ARIH1: variants seen among roughly 807,000 people sequenced by gnomAD.
The protein encoded by ARIH1 is ariadne RBR E3 ubiquitin protein ligase 1, also known as E3 ubiquitin-protein ligase ARIH1.
ARIH1 carries 8 observed loss-of-function variants against 85.0 expected under a neutral mutation model. The observed-to-expected ratio is 0.09, with a 90% CI of 0.06 to 0.17. The LOEUF (loss-of-function observed/expected upper bound fraction) is 0.17, where lower values mean the gene tolerates loss of function less well. Ranked by LOEUF, ARIH1 falls within the 10% of genes least tolerant of loss-of-function variation. The probability of loss-of-function intolerance (pLI) is 1.00; values close to 1 mark genes in which losing one functional copy is unlikely to be tolerated. For missense variants in ARIH1, 311 were observed against 718.1 expected (o/e 0.43, Z 6.48); for synonymous variants, 238 against 253.6 (o/e 0.94, Z 0.59).
intron 11 of ARIH1, among the ~76,000 whole-genome samples, chr15:72,578,554 A>G (rs956104607): frequency 6.6e-6 from 1 of 152,172 alleles, no homozygotes; most frequent in Non-Finnish European, 1.5e-5. Context: ...AAGATAGGCT[A>G]CATATGTCTT....
Position 72,582,961 on chromosome 15 carries a change from G to C in ARIH1, c.1590-247G>C, listed in dbSNP as rs990701587. ...TGATTTCTAAGGTCCATCAGAACTTGTAACACTTTATTGCTTTAAAATTAA... is the reference window on the plus strand; with the variant it reads ...TGATTTCTAAGGTCCATCAGAACTTCTAACACTTTATTGCTTTAAAATTAA... On this transcript the variant is annotated intron_variant, in intron 13 of 13. Coordinates refer to ENST00000379887, the MANE Select transcript of ARIH1 (RefSeq NM_005744.5). This position sits in a 1 kb window ranked among gnomAD's most constrained non-coding sequence, Gnocchi z 4.6. 6.6e-6 allele frequency among the ~76,000 whole-genome samples: 1 copy of C among 152,160 alleles called. No homozygotes were observed. Among genetic ancestry groups the C allele is most frequent in the Non-Finnish European group, 1.5e-5 (1 of 68,020 alleles).
chr15:72,498,961 ATTTTTTTTTTTTTTTTTTTTTTT>A (rs535261674), intron 1 of ARIH1, among the ~76,000 whole-genome samples: 2 of 88,450 alleles, frequency 2.3e-5, no homozygotes, highest in Admixed American at 2.6e-4. Context: ...CTTTTCATAA[ATTTTTTTTTTTTTTTTTTTTTTT>A]TTTTTTTTTT....
chr15:72,507,488 C>T (rs1247047892), intron 1 of ARIH1, among the ~76,000 whole-genome samples: 1 of 152,098 alleles, frequency 6.6e-6, no homozygotes, highest in African/African-American at 2.4e-5. Flanking sequence ...TCCTCTTCCT[C>T]ACTCCCCCCA....
intron 7 of ARIH1, chr15:72,566,281 G>A: frequency 2.6e-6 from 1 of 389,828 alleles, no homozygotes; most frequent in Middle Eastern, 6.9e-4. Context: ...TCTCAATATA[G>A]TCTGAGGCAC....
intron 1 of ARIH1, among the ~76,000 whole-genome samples, chr15:72,481,350 G>GTGT (rs1370250698): frequency 1.3e-5 from 2 of 152,194 alleles, no homozygotes; most frequent in Admixed American, 6.5e-5. Context: ...GTTTCTCTAT[G>GTGT]TGTTACGTGT....
At chr15:72,566,992 G>A in intron 8 of ARIH1, 114 bp from the exon 9 acceptor site, 1 of 722,422 alleles carries the variant, frequency 1.4e-6, no homozygotes, top group East Asian at 2.7e-5. Flanking sequence ...TGAGCCTAGT[G>A]ATAATCTTAT....
intron 5 of ARIH1, among the ~76,000 whole-genome samples, chr15:72,559,131 A>T (rs890396337): frequency 6.6e-6 from 1 of 152,176 alleles, no homozygotes; most frequent in African/African-American, 2.4e-5. Flanking sequence ...TGTATACAAA[A>T]ATTTGACCGT....
At chr15:72,554,160 A>G (rs1477298864) in intron 3 of ARIH1, among the ~76,000 whole-genome samples, 3 of 152,132 alleles carry the variant, frequency 2.0e-5, no homozygotes, top group Non-Finnish European at 4.4e-5. Context: ...GCTGTTACGA[A>G]TAATGCTATA....
rs2064299364 is a variant in ARIH1 at position 72,582,614 on chromosome 15, G to A, written c.1589+427G>A. On this transcript the variant is annotated intron_variant, in intron 13 of 13. Transcript: ENST00000379887. This position sits in a 1 kb window ranked among gnomAD's most constrained non-coding sequence, Gnocchi z 4.6. ...ATATATATATATTTTTTTAATCTAA[G>A]GAGATACTTGTCCTAGGAGTCGATT... Among the ~76,000 whole-genome samples the A allele has an allele frequency of 6.6e-6, 1 of 151,520 alleles. No homozygotes were observed. The highest frequency in any genetic ancestry group is 2.4e-5 in the African/African-American group (1 of 41,240).
rs2064122221 is a variant in ARIH1 at position 72,544,832 on chromosome 15, A to G, written c.456A>G (p.Gly152=). 1 of 1,612,292 alleles carries G rather than the reference A, an allele frequency of 6.2e-7. No homozygotes were observed. Among genetic ancestry groups the G allele is most frequent in the Non-Finnish European group, 8.5e-7 (1 of 1,178,922 alleles). The part of the protein sequence containing the change: ...KEKLMERYFD[G]NLEKLFAECH... ...TTAAATAATGCAGGTACTTTGATGG[A>G]AACCTGGAGAAGCTCTTTGCTGAGT... Residue 152 remains glycine, a synonymous_variant, in exon 3 of 14, where the codon GGA becomes GGG. Transcript: ENST00000379887.
chr15:72,583,408 G>A lies in ARIH1; in HGVS notation c.*116G>A, dbSNP rs1230221725. ...AAGCCTATTCTGACACCACTGGTCT[G>A]TAGTACCAGAATTGTTTTGTTAATG... On this transcript the variant is annotated 3_prime_UTR_variant, in exon 14 of 14. Transcript: ENST00000379887. 1 of 689,394 alleles carries A rather than the reference G, an allele frequency of 1.5e-6. No individual in the cohort carries two copies. The highest frequency in any genetic ancestry group is 2.5e-6 in the Non-Finnish European group (1 of 407,958). 42.7% of individuals were successfully genotyped at this position (689,394 alleles called of 1,614,324 possible). A position where few individuals can be genotyped will look rare whatever the true frequency, so the allele number is the denominator to read the frequency against.
At chr15:72,543,552 A>C (rs2064116861) in intron 2 of ARIH1, among the ~76,000 whole-genome samples, 1 of 152,188 alleles carries the variant, frequency 6.6e-6, no homozygotes, top group Non-Finnish European at 1.5e-5. Flanking sequence ...AGTATTTATA[A>C]AAAAGATATT....
At chr15:72,576,517 A>C (rs1188161732) in intron 11 of ARIH1, among the ~76,000 whole-genome samples, 3 of 151,616 alleles carry the variant, frequency 2.0e-5, no homozygotes, top group African/African-American at 4.8e-5. Context: ...AAAAAAAAAA[A>C]AAAAAAAAAA....
At chr15:72,518,259 T>G in intron 2 of ARIH1, 125 bp downstream of exon 2, 1 of 676,572 alleles carries the variant, frequency 1.5e-6, no homozygotes, top group Non-Finnish European at 2.4e-6. Context: ...AGTGTGCAAC[T>G]AGTGACTGCT....
intron 1 of ARIH1, among the ~76,000 whole-genome samples, chr15:72,499,849 G>A (rs887332459): frequency 6.6e-6 from 1 of 152,088 alleles, no homozygotes; most frequent in African/African-American, 2.4e-5. Flanking sequence ...TTAGATACAT[G>A]TCTTTTTCTT....
At chr15:72,551,177 G>A (rs1053640011) in intron 3 of ARIH1, among the ~76,000 whole-genome samples, 6 of 152,100 alleles carry the variant, frequency 3.9e-5, no homozygotes, top group African/African-American at 1.4e-4. Flanking sequence ...CGAAAGGAAA[G>A]AATAAAAGAG....
intron 2 of ARIH1, among the ~76,000 whole-genome samples, chr15:72,524,023 T>C (rs2064013945): frequency 6.9e-6 from 1 of 145,338 alleles, no homozygotes; most frequent in African/African-American, 2.5e-5. Context: ...CTCGGCTCAC[T>C]GTAAGCTCCG....
At chr15:72,583,107 G>A (rs1392278508) in intron 13 of ARIH1, 101 bp from the exon 14 acceptor site, 2 of 875,244 alleles carry the variant, frequency 2.3e-6, no homozygotes, top group Non-Finnish European at 3.5e-6. Flanking sequence ...TTGGTTCCGA[G>A]TCTGGATAAA....
Position 72,595,158 on chromosome 15 carries a change from C to G in ARIH1, c.*11866C>G, listed in dbSNP as rs1213828340. 6.6e-6 allele frequency: 1 copy of G among 152,184 alleles called. No individual in the cohort carries two copies. Among genetic ancestry groups the G allele is most frequent in the African/African-American group, 2.4e-5 (1 of 41,440 alleles). The allele number at this position is 152,184 out of a possible 1,614,324, so 9.4% of individuals were successfully genotyped here. On this transcript the variant is annotated 3_prime_UTR_variant, in exon 14 of 14. Coordinates refer to ENST00000379887, the MANE Select transcript of ARIH1 (RefSeq NM_005744.5). ...GCAAACTGTGGCCCATGGGCCAGAT[C>G]CAGCCCATGGACAGTTTTGTTGTTG...
Sources: allele counts gnomAD v4.1 joint callset (sites outside exome capture counted in the v4.1 genomes callset), GRCh38; gene constraint gnomAD v4.1.1; non-coding constraint Gnocchi (gnomAD v3.1); transcripts MANE v1.5; gene names NCBI Gene and HGNC (gene_info 2026-07-23, HGNC 2026-07-21).